EFCAB6: variants seen among roughly 807,000 people sequenced by gnomAD.
EFCAB6 encodes EF-hand calcium-binding domain-containing protein 6.
A neutral mutation model predicts 169.8 loss-of-function variants in EFCAB6; 156 were observed. The observed-to-expected ratio is 0.92, with a 90% CI of 0.81 to 1.05. The LOEUF (loss-of-function observed/expected upper bound fraction) is 1.05. Among genes scored for constraint, EFCAB6 ranks in the 50% least tolerant of loss-of-function variants. The pLI is 0.00. For missense variants in EFCAB6, 1,800 were observed against 1,829.1 expected, an observed-to-expected ratio of 0.98 and a Z score of 0.29; for synonymous variants, 698 against 676.4, an observed-to-expected ratio of 1.03 and a Z score of -0.50.
intron 10 of EFCAB6, among the ~76,000 whole-genome samples, chr22:43,690,456 C>A (rs1449284665): frequency 6.7e-6 from 1 of 149,790 alleles, no homozygotes; most frequent in Non-Finnish European, 1.5e-5. Context: ...GCGGAGCCTG[C>A]AGTGAGCCGA....
chr22:43,685,933 A>G (rs1045501488), intron 11 of EFCAB6, among the ~76,000 whole-genome samples: 1 of 151,926 alleles, frequency 6.6e-6, no homozygotes, highest in Non-Finnish European at 1.5e-5. Context: ...TTGTGTTTTT[A>G]TGTTTCTCAA....
At chr22:43,546,766 G>C (rs868049381) in intron 27 of EFCAB6, among the ~76,000 whole-genome samples, 1 of 151,862 alleles carries the variant, frequency 6.6e-6, no homozygotes, top group East Asian at 1.9e-4. Flanking sequence ...CCAGCTATTC[G>C]GGAGGCTGAG....
chr22:43,716,791 T>C (rs746673464), intron 9 of EFCAB6, 57 bp downstream of exon 9: 7 of 1,544,674 alleles, frequency 4.5e-6, no homozygotes, highest in Non-Finnish European at 6.1e-6. Context: ...GTTTTCCATA[T>C]TGTCTACTTT....
rs368901469 is a variant in EFCAB6 at position 43,692,519 on chromosome 22, A to C, written c.1032-4938T>G. ...TTCCCACAATAAATCAAAGGATAGG[A>C]CATCTCAGCAGAGAAACAGATACAA... On this transcript the variant is annotated intron_variant, in intron 10 of 31. Coordinates refer to ENST00000262726, the MANE Select transcript of EFCAB6 (RefSeq NM_022785.4). 3.3e-4 allele frequency among the ~76,000 whole-genome samples: 51 copies of C among 152,310 alleles called. No homozygotes were observed. The South Asian group carries it at 0.011, about 32-fold the overall frequency.
At chr22:43,807,526 T>C (rs2062962978) in intron 2 of EFCAB6, among the ~76,000 whole-genome samples, 1 of 152,234 alleles carries the variant, frequency 6.6e-6, no homozygotes, top group Admixed American at 6.5e-5. Context: ...TGTCCAGTTT[T>C]AAACACGTGC....
intron 3 of EFCAB6, 149 bp downstream of exon 3, chr22:43,782,031 T>C: frequency 3.8e-6 from 3 of 793,080 alleles, no homozygotes; most frequent in Non-Finnish European, 5.6e-6. Context: ...TTTCCCCATA[T>C]AGAAAACAGG....
chr22:43,738,006 GCA>G (rs912212924), intron 6 of EFCAB6, among the ~76,000 whole-genome samples: 84 of 136,848 alleles, frequency 6.1e-4, no homozygotes, highest in African/African-American at 2.1e-3. Context: ...ACACACACAT[GCA>G]CATACACTCA....
intron 17 of EFCAB6, among the ~76,000 whole-genome samples, chr22:43,655,232 G>A (rs1375904945): frequency 6.6e-6 from 1 of 152,094 alleles, no homozygotes; most frequent in Non-Finnish European, 1.5e-5. Context: ...ACTCCAGCCT[G>A]GGCAACAGAG....
chr22:43,666,961 A>AT, intron 17 of EFCAB6, 143 bp downstream of exon 17: 2 of 1,164,548 alleles, frequency 1.7e-6, no homozygotes, highest in Non-Finnish European at 2.3e-6. Context: ...GGCCAAAAAA[A>AT]AAAATCCTTT....
chr22:43,726,549 G>C (rs369062334), intron 8 of EFCAB6, among the ~76,000 whole-genome samples: 2 of 152,230 alleles, frequency 1.3e-5, no homozygotes, highest in African/African-American at 4.8e-5. Flanking sequence ...CCTGAGGGCA[G>C]GCCCCAGCTG....
At chr22:43,764,364 T>A (rs1282632325) in intron 5 of EFCAB6, among the ~76,000 whole-genome samples, 3 of 152,220 alleles carry the variant, frequency 2.0e-5, no homozygotes, top group Admixed American at 6.5e-5. Flanking sequence ...GCAAAAGACA[T>A]GATTTCATTC....
chr22:43,589,962 G>C (rs948901070), intron 24 of EFCAB6, 112 bp downstream of exon 24: 2 of 1,352,346 alleles, frequency 1.5e-6, no homozygotes, highest in African/African-American at 2.9e-5. Flanking sequence ...AGACATGGAG[G>C]GTATTTTCAT....
chr22:43,769,946 C>G (rs1201559929), intron 4 of EFCAB6, among the ~76,000 whole-genome samples: 1 of 152,028 alleles, frequency 6.6e-6, no homozygotes, highest in African/African-American at 2.4e-5. Context: ...ACTCTGCCTC[C>G]CGGGTTCAAG....
At chr22:43,710,370 T>C (rs1446757337) in intron 10 of EFCAB6, among the ~76,000 whole-genome samples, 1 of 152,164 alleles carries the variant, frequency 6.6e-6, no homozygotes, top group African/African-American at 2.4e-5. Context: ...ACAAATTGAG[T>C]ATCAATATAA....
chr22:43,789,367 C>G (rs1303559392), intron 2 of EFCAB6, among the ~76,000 whole-genome samples: 1 of 152,048 alleles, frequency 6.6e-6, no homozygotes, highest in Non-Finnish European at 1.5e-5. Flanking sequence ...ACTGGGTGAG[C>G]CAAGGGAGAC....
chr22:43,751,379 G>A (rs909806399), intron 6 of EFCAB6, among the ~76,000 whole-genome samples: 2 of 152,132 alleles, frequency 1.3e-5, no homozygotes, highest in African/African-American at 4.8e-5. Flanking sequence ...ACCTCTTGTC[G>A]GGAGTTGACA....
At chr22:43,678,501 GCTC>G (rs1362291766) in intron 12 of EFCAB6, among the ~76,000 whole-genome samples, 1 of 152,082 alleles carries the variant, frequency 6.6e-6, no homozygotes, top group Non-Finnish European at 1.5e-5. Flanking sequence ...GGCTTGAACA[GCTC>G]CTCACTTCCC....
At chr22:43,536,172 C>G (rs2047373601) in intron 29 of EFCAB6, 3 of 151,910 alleles carry the variant, frequency 2.0e-5, no homozygotes, top group Admixed American at 2.0e-4. Flanking sequence ...GTTTATCACT[C>G]TCAAAATCAA....
rs575285976 is a variant in EFCAB6 at position 43,679,299 on chromosome 22, C to T, written c.1252-1136G>A. The stretch of plus-strand genomic sequence containing the variant: ...TTCTCCTAACATAGTGTTTTTGAGG[C>T]TCATCCATGTTGTAGCATATATCAG... On this transcript the variant is annotated intron_variant, in intron 12 of 31. Coordinates refer to ENST00000262726, the MANE Select transcript of EFCAB6 (RefSeq NM_022785.4). Among the ~76,000 whole-genome samples the T allele has an allele frequency of 2.6e-5, 4 of 152,300 alleles. No individual in the cohort carries two copies. The East Asian group carries it at 7.7e-4, about 29-fold the overall frequency.
Sources: allele counts gnomAD v4.1 joint callset (sites outside exome capture counted in the v4.1 genomes callset), GRCh38; gene constraint gnomAD v4.1.1; transcripts MANE v1.5; gene names NCBI Gene and HGNC (gene_info 2026-07-23, HGNC 2026-07-21).